SARDH: variants seen among roughly 807,000 people sequenced by gnomAD.
SARDH encodes sarcosine dehydrogenase, mitochondrial.
Under a neutral mutation model 109.1 loss-of-function variants are expected in SARDH, and 95 were observed. The observed-to-expected ratio is 0.87, with a 90% CI of 0.74 to 1.03. SARDH has a LOEUF of 1.03. SARDH is among the 50% of genes least tolerant of loss of function. The pLI is 0.00. For missense variants in SARDH, 1,267 were observed against 1,287.8 expected (o/e 0.98, Z 0.25); for synonymous variants, 572 against 534.8 (o/e 1.07, Z -0.96).
At chr9:133,705,112 T>C in intron 11 of SARDH, 81 bp from the exon 12 acceptor site, 1 of 1,393,728 alleles carries the variant, frequency 7.2e-7, no homozygotes, top group Non-Finnish European at 9.9e-7. Context: ...TCCGCCACTT[T>C]ACACCCAAGG....
intron 11 of SARDH, among the ~76,000 whole-genome samples, chr9:133,705,311 A>C (rs1588427007): frequency 1.0e-5 from 1 of 97,256 alleles, no homozygotes; most frequent in Non-Finnish European, 2.2e-5. Flanking sequence ...GAGAACCCCC[A>C]TCTATAGAAT....
Position 133,677,843 on chromosome 9 carries a change from C to T in SARDH, c.2164-6146G>A, listed in dbSNP as rs375025186. Among the ~76,000 whole-genome samples, 105 of 152,344 alleles carry T rather than the reference C, an allele frequency of 6.9e-4. 1 individual carries two copies. The highest frequency in any genetic ancestry group is 2.3e-3 in the African/African-American group (95 of 41,586). On this transcript the variant is annotated intron_variant, in intron 17 of 20. Transcript: ENST00000439388. Reference sequence around the variant, plus strand: ...AGAGCCGCCTGCCACTGGTGGCCTTCGCTGGGGCTCAGACTCCTGGACTAT... The same window carrying T: ...AGAGCCGCCTGCCACTGGTGGCCTTTGCTGGGGCTCAGACTCCTGGACTAT...
intron 12 of SARDH, chr9:133,703,322 G>C (rs1246062416): frequency 6.6e-6 from 3 of 456,284 alleles, no homozygotes; most frequent in Non-Finnish European, 1.2e-5. Context: ...GACAGGGAGA[G>C]GTGGTTACCC....
At position 133,718,933 on chromosome 9, in the gene SARDH, C is replaced by A. The variant is rs756931515; in HGVS notation, c.1020+5G>T. 4 of 1,610,860 alleles carry A rather than the reference C, an allele frequency of 2.5e-6. No individual in the cohort carries two copies. In the African/African-American group the frequency reaches 4.0e-5, roughly 16 times the overall value. Reference sequence around the variant, plus strand: ...TCCCATTATCCCAGGGCCCTGGCATCTTACCTCCTCCCAAAAGATGGGGTT... The same window carrying A: ...TCCCATTATCCCAGGGCCCTGGCATATTACCTCCTCCCAAAAGATGGGGTT... On this transcript the variant is annotated splice_donor_5th_base_variant and intron_variant, in intron 7 of 20. Transcript: ENST00000439388. The surrounding 1 kb of genome is among the most constrained non-coding windows in gnomAD (Gnocchi z 4.2).
rs531955365 is a variant in SARDH at position 133,686,111 on chromosome 9, C to T, written c.2070-825G>A. On this transcript the variant is annotated intron_variant, in intron 16 of 20. Transcript: ENST00000439388. The surrounding 1 kb of genome is among the most constrained non-coding windows in gnomAD (Gnocchi z 4.0). ...CGGGAATGTTCCTGAGCACTGGACACTCAGTCCATACTGGACAGTTTGCAC... is the reference window on the plus strand; with the variant it reads ...CGGGAATGTTCCTGAGCACTGGACATTCAGTCCATACTGGACAGTTTGCAC... Among the ~76,000 whole-genome samples the T allele has an allele frequency of 3.9e-5, 6 of 152,298 alleles. No individual in the cohort carries two copies. The highest frequency in any genetic ancestry group is 7.4e-5 in the Non-Finnish European group (5 of 68,002).
intron 17 of SARDH, among the ~76,000 whole-genome samples, chr9:133,681,349 G>A (rs1334314251): frequency 6.6e-6 from 1 of 152,214 alleles, no homozygotes; most frequent in Non-Finnish European, 1.5e-5. Context: ...AGACACTCGG[G>A]GCCTTGCCCC....
At chr9:133,670,796 A>T in intron 18 of SARDH, 44 bp from the exon 19 acceptor site, 2 of 1,514,164 alleles carry the variant, frequency 1.3e-6, no homozygotes, top group East Asian at 4.6e-5. Context: ...CCTGAGGGGG[A>T]TAAGCCCTTC....
downstream of SARDH, among the ~76,000 whole-genome samples, chr9:133,662,411 C>G (rs922364819): frequency 6.6e-6 from 1 of 152,124 alleles, no homozygotes; most frequent in Non-Finnish European, 1.5e-5. The surrounding 1 kb of genome is among the most constrained non-coding windows in gnomAD (Gnocchi z 5.1). Flanking sequence ...GGGGAGCCGG[C>G]TCCCCTCCTC....
intron 17 of SARDH, among the ~76,000 whole-genome samples, chr9:133,682,951 G>A (rs1002864664): frequency 6.6e-6 from 1 of 152,266 alleles, no homozygotes; most frequent in South Asian, 2.1e-4. Context: ...TTATGCAGCC[G>A]TGATGTGCTT....
chr9:133,731,499 G>C lies in SARDH; in HGVS notation c.511-15C>G, dbSNP rs200142558. 2 of 1,613,486 alleles carry C rather than the reference G, an allele frequency of 1.2e-6. No individual in the cohort carries two copies. The highest frequency in any genetic ancestry group is 3.3e-5 in the Admixed American group (2 of 59,978). On this transcript the variant is annotated splice_polypyrimidine_tract_variant and intron_variant, in intron 3 of 20. Coordinates refer to ENST00000439388, the MANE Select transcript of SARDH (RefSeq NM_001134707.2). ...GCCTTGCCCAGCTAGGGGGACCCAG[G>C]GGAGGTTAACTGAGTCCGTGGGGAG...
chr9:133,666,775 G>A lies in SARDH; in HGVS notation c.2591C>T (p.Thr864Ile). The A allele has an allele frequency of 2.5e-6, 4 of 1,602,592 alleles. No individual in the cohort carries two copies. The highest frequency in any genetic ancestry group is 3.4e-6 in the Non-Finnish European group (4 of 1,174,862). ...GTCATGGATGTAACCGTAGGCGATGGTCTTGTCGATGGCGAACCCAAAGTC... is the reference window on the plus strand; with the variant it reads ...GTCATGGATGTAACCGTAGGCGATGATCTTGTCGATGGCGAACCCAAAGTC... ...RADFGFAIDKTIAYGYIHDPS... is the reference protein window; with the variant it reads ...RADFGFAIDKIIAYGYIHDPS... Residue 864 changes from threonine to isoleucine, a missense_variant, in exon 20 of 21, where the codon ACC (threonine) becomes ATC (isoleucine). Physicochemically the swap from Thr to Ile is moderately conservative, Grantham distance 89. Transcript: ENST00000439388. The surrounding 1 kb of genome is among the most constrained non-coding windows in gnomAD (Gnocchi z 5.2).
At chr9:133,695,211 G>C (rs1429725069) in intron 14 of SARDH, among the ~76,000 whole-genome samples, 1 of 152,182 alleles carries the variant, frequency 6.6e-6, no homozygotes, top group Admixed American at 6.5e-5. Context: ...GGGAGGCTGA[G>C]GTGGGAGGAT....
intron 14 of SARDH, among the ~76,000 whole-genome samples, chr9:133,695,714 G>C (rs1002329310): frequency 7.2e-6 from 1 of 139,010 alleles, no homozygotes; most frequent in Non-Finnish European, 1.5e-5. Context: ...CATGAAGATG[G>C]GGACGCATGA....
chr9:133,702,300 C>T (rs955251619), intron 13 of SARDH, among the ~76,000 whole-genome samples: 1 of 152,248 alleles, frequency 6.6e-6, no homozygotes, highest in African/African-American at 2.4e-5. Flanking sequence ...AGACTCCTCA[C>T]CTCCACCCCC....
upstream of SARDH, among the ~76,000 whole-genome samples, chr9:133,738,964 A>G (rs936493257): frequency 1.3e-5 from 2 of 152,190 alleles, no homozygotes; most frequent in African/African-American, 4.8e-5. Flanking sequence ...CGTAGCCCCC[A>G]GGGCAGGGAT....
rs1831187207 is a variant in SARDH at position 133,693,834 on chromosome 9, A to G, written c.1921+424T>C. 6.6e-6 allele frequency among the ~76,000 whole-genome samples: 1 copy of G among 152,204 alleles called. No individual in the cohort carries two copies. Among genetic ancestry groups the G allele is most frequent in the Non-Finnish European group, 1.5e-5 (1 of 68,042 alleles). On this transcript the variant is annotated intron_variant, in intron 15 of 20. Transcript: ENST00000439388. The surrounding 1 kb of genome is among the most constrained non-coding windows in gnomAD (Gnocchi z 5.6). Reference sequence around the variant, plus strand: ...GTGGGCCCTGAACTGGACGTCTTCTAAGGGCCTATCCAAGCTCCAGACTAG... The same window carrying G: ...GTGGGCCCTGAACTGGACGTCTTCTGAGGGCCTATCCAAGCTCCAGACTAG...
At chr9:133,706,555 A>T (rs1392785044) in intron 11 of SARDH, among the ~76,000 whole-genome samples, 2 of 152,244 alleles carry the variant, frequency 1.3e-5, no homozygotes, top group African/African-American at 4.8e-5. Context: ...CTGCAAAGGC[A>T]CTTAATGCCA....
chr9:133,729,142 G>A (rs1832588010), intron 6 of SARDH, among the ~76,000 whole-genome samples: 2 of 152,020 alleles, frequency 1.3e-5, no homozygotes, highest in Admixed American at 1.3e-4. Context: ...GAGATGGAGG[G>A]CTGGACAGAG....
At chr9:133,661,777 G>C (rs376511346), downstream of SARDH, among the ~76,000 whole-genome samples, 1 of 152,110 alleles carries the variant, frequency 6.6e-6, no homozygotes, top group Non-Finnish European at 1.5e-5. Context: ...CACTGCGCCC[G>C]GCCAGTGTAG....
Sources: gnomAD v4.1 joint callset for allele counts (sites outside exome capture counted in the v4.1 genomes callset) on GRCh38, gnomAD v4.1.1 for gene constraint, Gnocchi (gnomAD v3.1) non-coding constraint, MANE v1.5 for transcripts, NCBI Gene and HGNC (gene_info 2026-07-23, HGNC 2026-07-21) for gene names.